Variants in SLC25A27 observed in about 807,000 individuals in gnomAD.
SLC25A27 encodes the protein solute carrier family 25 member 27.
SLC25A27 carries 35 observed loss-of-function variants against 49.1 expected under a neutral mutation model. The ratio of observed to expected loss-of-function variants is 0.71; its 90% CI spans 0.54 to 0.95. The LOEUF is 0.95. SLC25A27 is among the 40% of genes least tolerant of loss of function. The pLI, the probability that SLC25A27 is intolerant of heterozygous loss-of-function variation, is 0.00. For synonymous variants in SLC25A27, 144 were observed against 136.9 expected, an observed-to-expected ratio of 1.05 and a Z score of -0.36; for missense variants, 339 against 397.1, an observed-to-expected ratio of 0.85 and a Z score of 1.24.
rs1163770667 is a variant in SLC25A27 at position 46,675,508 on chromosome 6, CA to C, written c.901-872del. On this transcript the variant is annotated intron_variant, in intron 8 of 8. Coordinates refer to ENST00000371347, the MANE Select transcript of SLC25A27 (RefSeq NM_004277.5). ...ACTAATATAGCATGCTCAGTATTTC[CA>C]AACAAATATGAGATAAACCTTGCTT... Among the ~76,000 whole-genome samples, 3 of 152,130 alleles carry C rather than the reference CA, an allele frequency of 2.0e-5. No homozygotes were observed. The East Asian group carries it at 5.8e-4, about 29-fold the overall frequency.
At position 46,663,517 on chromosome 6, in the gene SLC25A27, T is replaced by G. The variant is rs1763231957; in HGVS notation, c.506+1019T>G. Among the ~76,000 whole-genome samples the G allele has an allele frequency of 2.0e-5, 3 of 152,218 alleles. No homozygotes were observed. The South Asian group carries it at 6.2e-4, about 32-fold the overall frequency. ...CCCCAGGGCCCAGTTTGTCATCTTATAACAACTTCTAATGACTAAATAACA... is the reference window on the plus strand; with the variant it reads ...CCCCAGGGCCCAGTTTGTCATCTTAGAACAACTTCTAATGACTAAATAACA... On this transcript the variant is annotated intron_variant, in intron 4 of 8. Coordinates refer to ENST00000371347, the MANE Select transcript of SLC25A27 (RefSeq NM_004277.5).
At chr6:46,661,800 G>T (rs1282264312) in intron 3 of SLC25A27, among the ~76,000 whole-genome samples, 1 of 152,188 alleles carries the variant, frequency 6.6e-6, no homozygotes, top group Non-Finnish European at 1.5e-5. Context: ...TCAGAACAGT[G>T]CCTGACATGA....
intron 1 of SLC25A27, among the ~76,000 whole-genome samples, chr6:46,654,351 T>A (rs1040464749): frequency 6.6e-6 from 1 of 152,242 alleles, no homozygotes; most frequent in Non-Finnish European, 1.5e-5. Flanking sequence ...TTTTGCCTTT[T>A]AGCCCCTCTA....
chr6:46,672,186 CTT>C, intron 8 of SLC25A27, among the ~76,000 whole-genome samples: 1 of 152,114 alleles, frequency 6.6e-6, no homozygotes, highest in East Asian at 1.9e-4. Context: ...ATGAGTATGA[CTT>C]AGCCAGGAAA....
intron 4 of SLC25A27, among the ~76,000 whole-genome samples, chr6:46,663,690 A>G (rs1431992264): frequency 1.3e-5 from 2 of 150,954 alleles, no homozygotes; most frequent in Non-Finnish European, 2.9e-5. Context: ...CTAATGTAGT[A>G]CACTTTAATA....
intron 6 of SLC25A27, among the ~76,000 whole-genome samples, chr6:46,669,296 T>C (rs551696642): frequency 2.6e-5 from 4 of 152,076 alleles, no homozygotes; most frequent in Admixed American, 1.3e-4. Flanking sequence ...ACAAAGGAGG[T>C]AGAAATAGAC....
At position 46,677,193 on chromosome 6, in the gene SLC25A27, G is replaced by GA. The variant is rs1397546473; in HGVS notation, c.*745dup. The GA allele has an allele frequency of 6.5e-6, 1 of 154,784 alleles. No individual in the cohort carries two copies. 9.6% of individuals were successfully genotyped at this position (154,784 alleles called of 1,614,324 possible). A position where few individuals can be genotyped will look rare whatever the true frequency, so the allele number is the denominator to read the frequency against. On this transcript the variant is annotated 3_prime_UTR_variant, in exon 9 of 9. Coordinates refer to ENST00000371347, the MANE Select transcript of SLC25A27 (RefSeq NM_004277.5). ...TGACAGCCACACACCGAATCTTGATGAAAAAAGAGAAGAGCATTTGCCTTG... is the reference window on the plus strand; with the variant it reads ...TGACAGCCACACACCGAATCTTGATGAAAAAAAGAGAAGAGCATTTGCCTTG...
At chr6:46,675,544 A>G (rs1427672418) in intron 8 of SLC25A27, among the ~76,000 whole-genome samples, 1 of 152,222 alleles carries the variant, frequency 6.6e-6, no homozygotes, top group Non-Finnish European at 1.5e-5. Context: ...TTACAAACAA[A>G]ACCAAATACA....
chr6:46,660,044 T>C (rs992111406), intron 3 of SLC25A27, among the ~76,000 whole-genome samples: 2 of 152,128 alleles, frequency 1.3e-5, no homozygotes, highest in African/African-American at 4.8e-5. Flanking sequence ...TTAAAACTTG[T>C]CACTGGCTTC....
intron 6 of SLC25A27, 38 bp from the exon 7 acceptor site, chr6:46,670,097 A>G (rs775148296): frequency 7.3e-7 from 1 of 1,368,044 alleles, no homozygotes; most frequent in East Asian, 2.3e-5. Context: ...ACAAACTACT[A>G]CATACCATCT....
intron 2 of SLC25A27, 108 bp from the exon 3 acceptor site, chr6:46,658,854 C>G: frequency 1.2e-6 from 1 of 826,880 alleles, no homozygotes; most frequent in Non-Finnish European, 2.1e-6. Context: ...AAAGACACAG[C>G]TAGAGAGATT....
chr6:46,673,130 A>G (rs1180460986), intron 8 of SLC25A27, among the ~76,000 whole-genome samples: 1 of 152,218 alleles, frequency 6.6e-6, no homozygotes, highest in Non-Finnish European at 1.5e-5. Flanking sequence ...GGAGCTTACA[A>G]TGAGATGTAG....
rs1321145172 is a variant in SLC25A27, at chr6:46,662,281, T to A, written c.384-95T>A. 5 of 1,065,168 alleles carry A rather than the reference T, an allele frequency of 4.7e-6. No homozygotes were observed. The South Asian group carries it at 7.4e-5, about 16-fold the overall frequency. The allele number at this position is 1,065,168 out of a possible 1,614,324, so 66.0% of individuals were successfully genotyped here. On this transcript the variant is annotated intron_variant, in intron 3 of 8. Transcript: ENST00000371347. ...ATCCTTTTCTTTACTTGATCTGAAA[T>A]CTCTTACCTAGGCCCTGTACCAGCT...
chr6:46,669,575 GGTGT>G (rs1034255291), intron 6 of SLC25A27, among the ~76,000 whole-genome samples: 1 of 152,036 alleles, frequency 6.6e-6, no homozygotes, highest in African/African-American at 2.4e-5. Flanking sequence ...TGGAGGTAGG[GGTGT>G]GTGTGTGCAC....
intron 2 of SLC25A27, chr6:46,658,505 T>C (rs576873155): frequency 1.1e-5 from 5 of 449,790 alleles, no homozygotes; most frequent in East Asian, 7.1e-5. Flanking sequence ...CTTTATTTAA[T>C]GAAAATGCCT....
At position 46,677,273 on chromosome 6, in the gene SLC25A27, A is replaced by G. The variant is rs1028877855; in HGVS notation, c.*819A>G. ...TGCTAGCTCTCAAGAGTTGTAATAT[A>G]TTAAGAACTACAACTTATTTGATTA... On this transcript the variant is annotated 3_prime_UTR_variant, in exon 9 of 9. Coordinates refer to ENST00000371347, the MANE Select transcript of SLC25A27 (RefSeq NM_004277.5). 1 of 152,570 alleles carries G rather than the reference A, an allele frequency of 6.6e-6. No homozygotes were observed. Among genetic ancestry groups the G allele is most frequent in the African/African-American group, 2.4e-5 (1 of 41,472 alleles). 9.5% of individuals were successfully genotyped at this position (152,570 alleles called of 1,614,324 possible).
rs1763188613 is a variant in SLC25A27, at chr6:46,662,356, G to A, written c.384-20G>A. 6.2e-7 allele frequency: 1 copy of A among 1,611,262 alleles called. No homozygotes were observed. Among genetic ancestry groups the A allele is most frequent in the East Asian group, 2.2e-5 (1 of 44,834 alleles). On this transcript the variant is annotated intron_variant, in intron 3 of 8. Transcript: ENST00000371347. ...GTGAAATTAATGGCAACTTTAAAAAGAATTTCCTTCTGCAATTAGGAAATC... is the reference window on the plus strand; with the variant it reads ...GTGAAATTAATGGCAACTTTAAAAAAAATTTCCTTCTGCAATTAGGAAATC...
chr6:46,664,794 C>A lies in SLC25A27; in HGVS notation c.527C>A (p.Ala176Glu). 1 of 1,604,790 alleles carries A rather than the reference C, an allele frequency of 6.2e-7. No individual in the cohort carries two copies. Among genetic ancestry groups the A allele is most frequent in the Non-Finnish European group, 8.5e-7 (1 of 1,174,614 alleles). Residue 176 changes from alanine to glutamate, a missense_variant, in exon 5 of 9, where the codon GCA becomes GAA. Transcript: ENST00000371347. ...KPLRFRGVHHAFAKILAEGGI... is the reference protein window; with the variant it reads ...KPLRFRGVHHEFAKILAEGGI... ...CTTAGATTTCGTGGTGTACATCATGCATTTGCAAAAATCTTAGCTGAAGGA... is the reference window on the plus strand; with the variant it reads ...CTTAGATTTCGTGGTGTACATCATGAATTTGCAAAAATCTTAGCTGAAGGA...
At chr6:46,661,635 G>A (rs536165667) in intron 3 of SLC25A27, among the ~76,000 whole-genome samples, 21 of 152,310 alleles carry the variant, frequency 1.4e-4, no homozygotes, top group Non-Finnish European at 2.8e-4. Context: ...CTGCATGCAG[G>A]CTGTCTGGAT....
Sources: gnomAD v4.1 joint callset for allele counts (sites outside exome capture counted in the v4.1 genomes callset) on GRCh38, gnomAD v4.1.1 for gene constraint, MANE v1.5 for transcripts, NCBI Gene and HGNC (gene_info 2026-07-23, HGNC 2026-07-21) for gene names.